MALT1: variants seen among roughly 807,000 people sequenced by gnomAD.
MALT1 encodes the protein MALT1 paracaspase, also known as mucosa-associated lymphoid tissue lymphoma translocation protein 1.
In MALT1, 36 loss-of-function variants were observed where a neutral mutation model predicts 85.5. The ratio of observed to expected loss-of-function variants is 0.42; its 90% CI spans 0.32 to 0.56. The LOEUF (loss-of-function observed/expected upper bound fraction) is 0.56, where lower values mean the gene tolerates loss of function less well. Among genes scored for constraint, MALT1 ranks in the 20% least tolerant of loss-of-function variants. The pLI, the probability that MALT1 is intolerant of heterozygous loss-of-function variation, is 0.10. For synonymous variants in MALT1, 359 were observed against 361.3 expected (o/e 0.99, Z 0.07); for missense variants, 716 against 981.6 (o/e 0.73, Z 3.62).
chr18:58,686,335 T>C (rs2054402708), intron 2 of MALT1, among the ~76,000 whole-genome samples: 1 of 152,212 alleles, frequency 6.6e-6, no homozygotes, highest in African/African-American at 2.4e-5. Context: ...CCTATTTGTT[T>C]CTTTTGTTTT....
chr18:58,696,244 TTTA>T, intron 2 of MALT1, 119 bp from the exon 3 acceptor site: 1 of 794,194 alleles, frequency 1.3e-6, no homozygotes, highest in Non-Finnish European at 1.8e-6. Context: ...GAATGAGTGA[TTTA>T]TGACAAAGAT....
intron 16 of MALT1, among the ~76,000 whole-genome samples, chr18:58,746,623 G>C (rs796859311): frequency 2.0e-4 from 31 of 152,186 alleles, no homozygotes; most frequent in African/African-American, 7.5e-4. Flanking sequence ...CTCTTAAAAA[G>C]TTAGCCCATT....
At chr18:58,700,407 G>T (rs2054654800) in intron 3 of MALT1, 34 bp from the exon 4 acceptor site, 1 of 1,520,396 alleles carries the variant, frequency 6.6e-7, no homozygotes, top group South Asian at 1.3e-5. Flanking sequence ...TGTTTTTGAT[G>T]AGTCATCCAC....
intron 4 of MALT1, among the ~76,000 whole-genome samples, chr18:58,707,611 T>C (rs927814711): frequency 6.6e-6 from 1 of 152,160 alleles, no homozygotes; most frequent in Non-Finnish European, 1.5e-5. Flanking sequence ...ATTTTCTTTC[T>C]TCTTCGTAAG....
At chr18:58,740,017 C>T (rs2055280484) in intron 13 of MALT1, among the ~76,000 whole-genome samples, 2 of 152,202 alleles carry the variant, frequency 1.3e-5, no homozygotes, top group South Asian at 2.1e-4. Context: ...AGATTTTTAA[C>T]CACTGGTTCA....
chr18:58,738,903 G>A (rs996670961), intron 13 of MALT1, among the ~76,000 whole-genome samples: 1 of 152,090 alleles, frequency 6.6e-6, no homozygotes, highest in Admixed American at 6.5e-5. Flanking sequence ...GTAGTTGTGG[G>A]CATCCTTGTC....
intron 1 of MALT1, among the ~76,000 whole-genome samples, chr18:58,676,352 T>TAG (rs1462477756): frequency 6.6e-6 from 1 of 152,030 alleles, no homozygotes; most frequent in African/African-American, 2.4e-5. Context: ...GCAACATAGA[T>TAG]AGACCCCATT....
intron 2 of MALT1, among the ~76,000 whole-genome samples, chr18:58,682,817 T>A (rs1400324069): frequency 1.3e-5 from 2 of 152,192 alleles, no homozygotes; most frequent in Admixed American, 1.3e-4. Context: ...AGACTTGGAC[T>A]CCCAATCATC....
chr18:58,746,729 G>GTT (rs79360243), intron 16 of MALT1, among the ~76,000 whole-genome samples: 1 of 146,700 alleles, frequency 6.8e-6, no homozygotes. Context: ...ATAAAACCAG[G>GTT]TTTTTTTTTT....
At chr18:58,717,617 A>G (rs1055378783) in intron 9 of MALT1, among the ~76,000 whole-genome samples, 1 of 151,984 alleles carries the variant, frequency 6.6e-6, no homozygotes, top group Non-Finnish European at 1.5e-5. Context: ...GTGGTGGTAC[A>G]CGCCTGTAAT....
intron 4 of MALT1, among the ~76,000 whole-genome samples, chr18:58,705,802 C>T (rs1366968808): frequency 2.6e-5 from 4 of 152,190 alleles, no homozygotes; most frequent in Admixed American, 6.5e-5. Context: ...CATGTGTCTT[C>T]ATAGCAGCAT....
At chr18:58,716,923 T>C (rs565232736) in intron 9 of MALT1, among the ~76,000 whole-genome samples, 1 of 152,266 alleles carries the variant, frequency 6.6e-6, no homozygotes, top group Admixed American at 6.5e-5. Flanking sequence ...ACAAGAGAAA[T>C]TGGCTTTAAT....
intron 10 of MALT1, among the ~76,000 whole-genome samples, chr18:58,733,160 C>T (rs2055176047): frequency 6.6e-6 from 1 of 152,172 alleles, no homozygotes; most frequent in African/African-American, 2.4e-5. Flanking sequence ...ATCTGCCTGC[C>T]TCGGCCTCCC....
In MALT1 at chr18:58,681,265, C is replaced by G. The variant is rs1231289585; in HGVS notation, c.305C>G (p.Thr102Arg). The G allele has an allele frequency of 6.2e-7, 1 of 1,614,006 alleles. No homozygotes were observed. Among genetic ancestry groups the G allele is most frequent in the Non-Finnish European group, 8.5e-7 (1 of 1,180,008 alleles). ...AAGTTAATGGGTGAAAAAGGTTGCA[C>G]AGTCACAGAATTGAGTGATTTCCTG... ...LLKLMGEKGC[T>R]VTELSDFLQA... The change falls in exon 2 of 17, where the codon ACA becomes AGA. Residue 102 changes from threonine to arginine, a missense_variant. Coordinates refer to ENST00000649217, the MANE Select transcript of MALT1 (RefSeq NM_006785.4).
intron 4 of MALT1, among the ~76,000 whole-genome samples, chr18:58,702,620 C>T (rs2054689513): frequency 6.6e-6 from 1 of 152,174 alleles, no homozygotes; most frequent in Admixed American, 6.5e-5. Context: ...AGAAAAAACT[C>T]TCATATAGTA....
chr18:58,708,407 A>T (rs2054787460), intron 4 of MALT1, among the ~76,000 whole-genome samples: 1 of 152,102 alleles, frequency 6.6e-6, no homozygotes. Context: ...CATTCTGGGA[A>T]ACCTTTCTGT....
At chr18:58,744,259 T>A (rs775989049) in intron 14 of MALT1, 79 bp from the exon 15 acceptor site, 36 of 890,536 alleles carry the variant, frequency 4.0e-5, no homozygotes, top group Non-Finnish European at 5.8e-5. Flanking sequence ...AAAGAAATGC[T>A]AACTATATTC....
Position 58,734,114 on chromosome 18 carries a change from G to A in MALT1, c.1401-193G>A, listed in dbSNP as rs147700501. 1.6e-5 allele frequency: 21 copies of A among 1,333,194 alleles called. No homozygotes were observed. The African/African-American group carries it at 2.3e-4, about 15-fold the overall frequency. 82.6% of individuals were successfully genotyped at this position (1,333,194 alleles called of 1,614,324 possible). On this transcript the variant is annotated intron_variant, in intron 11 of 16. Coordinates refer to ENST00000649217, the MANE Select transcript of MALT1 (RefSeq NM_006785.4). ...ATGCCAGAGTTCAAATGCAACTCTA[G>A]TTTTAAAGCTAACAAGGAGTTAGTG...
chr18:58,701,795 T>G (rs974420591), intron 4 of MALT1, among the ~76,000 whole-genome samples: 12 of 152,214 alleles, frequency 7.9e-5, no homozygotes, highest in Non-Finnish European at 1.6e-4. Flanking sequence ...ATTTTGGTTG[T>G]TTGTGTTGTC....
Sources: gnomAD v4.1 joint callset for allele counts (sites outside exome capture counted in the v4.1 genomes callset) on GRCh38, gnomAD v4.1.1 for gene constraint, MANE v1.5 for transcripts, NCBI Gene and HGNC (gene_info 2026-07-23, HGNC 2026-07-21) for gene names.